The following PLCG2 variants were observed in gnomAD, a reference collection of about 807,000 sequenced individuals.
PLCG2 encodes the protein 1-phosphatidylinositol 4,5-bisphosphate phosphodiesterase gamma-2.
PLCG2 carries 69 observed loss-of-function variants against 175.6 expected under a neutral mutation model. That is an observed-to-expected ratio of 0.39 (90% CI 0.32 to 0.48). PLCG2 has a LOEUF of 0.48. PLCG2 is among the 20% of genes least tolerant of loss of function. PLCG2 has a pLI of 0.91. For missense variants in PLCG2, 1,798 were observed against 1,650.9 expected (o/e 1.09, Z -1.54); for synonymous variants, 827 against 624.0 (o/e 1.33, Z -4.85).
At chr16:81,812,013 A>C (rs990880722) in intron 2 of PLCG2, among the ~76,000 whole-genome samples, 1 of 146,712 alleles carries the variant, frequency 6.8e-6, no homozygotes, top group Non-Finnish European at 1.5e-5. Context: ...CTATTTCTCT[A>C]CATCCTCTCC....
chr16:81,859,186 C>G (rs762656393), intron 5 of PLCG2, 23 bp downstream of exon 5: 6 of 1,528,852 alleles, frequency 3.9e-6, no homozygotes, highest in Non-Finnish European at 5.4e-6. Context: ...CAGTTTTTTT[C>G]TGATCACTTT....
At chr16:81,877,753 T>C (rs1321755602) in intron 7 of PLCG2, among the ~76,000 whole-genome samples, 2 of 152,042 alleles carry the variant, frequency 1.3e-5, no homozygotes, top group African/African-American at 4.8e-5. Context: ...CGTCATCGCT[T>C]CTTGGCGTGT....
rs184935667 is a variant in PLCG2, at chr16:81,822,820, C to T, written c.194-31624C>T. Among the ~76,000 whole-genome samples the T allele has an allele frequency of 1.5e-4, 21 of 139,864 alleles. No individual in the cohort carries two copies. The East Asian group carries it at 2.8e-3, about 19-fold the overall frequency. 91.8% of individuals were successfully genotyped at this position (139,864 alleles called of 152,430 possible). Reference sequence around the variant, plus strand: ...GATCAGAGTGAGTAGAAGACAATGGCAAGATGATGGCAACAGAGGTTGGAA... The same window carrying T: ...GATCAGAGTGAGTAGAAGACAATGGTAAGATGATGGCAACAGAGGTTGGAA... On this transcript the variant is annotated intron_variant, in intron 2 of 32. Coordinates refer to ENST00000564138, the MANE Select transcript of PLCG2 (RefSeq NM_002661.5).
intron 30 of PLCG2, among the ~76,000 whole-genome samples, chr16:81,943,012 A>G (rs1884383222): frequency 6.6e-6 from 1 of 152,126 alleles, no homozygotes; most frequent in Non-Finnish European, 1.5e-5. Flanking sequence ...ACAGCTGGTC[A>G]TGAGGGCAGA....
At chr16:81,952,983 G>A (rs938684475) in intron 31 of PLCG2, among the ~76,000 whole-genome samples, 3 of 152,192 alleles carry the variant, frequency 2.0e-5, no homozygotes, top group Non-Finnish European at 1.5e-5. Context: ...AATAAGGCAG[G>A]TTGAAATCAC....
upstream of PLCG2, among the ~76,000 whole-genome samples, chr16:81,778,062 AAC>A (rs1910520079): frequency 8.9e-6 from 1 of 112,988 alleles, no homozygotes; most frequent in East Asian, 2.3e-4. Context: ...AAACAAAAAA[AAC>A]CAAAAACACA....
At position 81,905,453 on chromosome 16, in the gene PLCG2, G is replaced by A; in HGVS notation, c.1413G>A (p.Lys471=). The A allele has an allele frequency of 6.2e-7, 1 of 1,614,206 alleles. No individual in the cohort carries two copies. The highest frequency in any genetic ancestry group is 1.3e-5 in the African/African-American group (1 of 75,060). The part of the protein sequence containing the change: ...RGDVDVNMED[K]KDEHKQQGEL... Reference sequence around the variant, plus strand: ...ATGTGGATGTCAACATGGAGGACAAGAAGGACGAACACAAGCAACAGGGGG... The same window carrying A: ...ATGTGGATGTCAACATGGAGGACAAAAAGGACGAACACAAGCAACAGGGGG... The change falls in exon 15 of 33, where the codon AAG becomes AAA. Residue 471 remains lysine (K), a synonymous_variant. Transcript: ENST00000564138.
intron 19 of PLCG2, among the ~76,000 whole-genome samples, chr16:81,913,114 C>G (rs913965667): frequency 1.3e-5 from 2 of 152,186 alleles, no homozygotes; most frequent in African/African-American, 4.8e-5. Context: ...TGATATAGAT[C>G]TGGTTTCCTC....
intron 2 of PLCG2, among the ~76,000 whole-genome samples, chr16:81,814,672 G>A (rs1440388139): frequency 6.6e-6 from 1 of 151,976 alleles, no homozygotes; most frequent in Non-Finnish European, 1.5e-5. Flanking sequence ...TCCAGCCTGG[G>A]CAACAGTACG....
chr16:81,748,699 C>A (rs540928097), intron 1 of PLCG2, among the ~76,000 whole-genome samples: 3 of 152,236 alleles, frequency 2.0e-5, no homozygotes, highest in African/African-American at 7.2e-5. Flanking sequence ...GGTCAGAAAA[C>A]CCCAGACTCG....
At chr16:81,745,551 TG>T (rs1301883345) in intron 1 of PLCG2, among the ~76,000 whole-genome samples, 3 of 152,188 alleles carry the variant, frequency 2.0e-5, no homozygotes, top group African/African-American at 7.2e-5. Flanking sequence ...AATTACCAGC[TG>T]GATGTCAACC....
At chr16:81,761,088 G>C (rs535461036) in intron 2 of PLCG2, among the ~76,000 whole-genome samples, 153 of 152,274 alleles carry the variant, frequency 1.0e-3, no homozygotes, top group African/African-American at 3.5e-3. Flanking sequence ...GTAGTAACAA[G>C]GTTTCACTAT....
At chr16:81,806,728 G>T (rs1034177462) in intron 2 of PLCG2, among the ~76,000 whole-genome samples, 4 of 152,168 alleles carry the variant, frequency 2.6e-5, no homozygotes, top group East Asian at 1.9e-4. Flanking sequence ...GACATGGAAG[G>T]CCTCACTGAG....
rs149864131 is a variant in PLCG2 at position 81,789,416 on chromosome 16, A to T, written c.193+3234A>T. Among the ~76,000 whole-genome samples, 78 of 152,258 alleles carry T rather than the reference A, an allele frequency of 5.1e-4. 1 individual carries two copies. In the East Asian group the frequency reaches 0.015, roughly 29 times the overall value. ...AGTGATCCTCCTGCCCAGTCTCCCA[A>T]GTAGCTGAGACTACAGGTGAGTGCC... On this transcript the variant is annotated intron_variant, in intron 2 of 32. Coordinates refer to ENST00000564138, the MANE Select transcript of PLCG2 (RefSeq NM_002661.5).
intron 17 of PLCG2, among the ~76,000 whole-genome samples, chr16:81,910,319 A>C (rs982338383): frequency 3.9e-5 from 6 of 152,088 alleles, no homozygotes; most frequent in African/African-American, 1.4e-4. Context: ...TGGAACTCCT[A>C]ATCTCAGGTG....
At chr16:81,940,197 A>G in intron 30 of PLCG2, 138 bp downstream of exon 30, 1 of 685,492 alleles carries the variant, frequency 1.5e-6, no homozygotes, top group Non-Finnish European at 2.4e-6. Context: ...TGGCTTGGAG[A>G]GCAGGTGTAC....
intron 9 of PLCG2, among the ~76,000 whole-genome samples, chr16:81,884,042 C>T (rs373883495): frequency 6.6e-6 from 1 of 152,196 alleles, no homozygotes; most frequent in Non-Finnish European, 1.5e-5. Flanking sequence ...GGCAGCCCCC[C>T]CTACCCCCCA....
chr16:81,752,923 C>G (rs1304334903), intron 1 of PLCG2, among the ~76,000 whole-genome samples: 1 of 152,264 alleles, frequency 6.6e-6, no homozygotes, highest in African/African-American at 2.4e-5. Flanking sequence ...GGGCAGGCTG[C>G]TTTTCTCCTT....
At chr16:81,806,356 A>G (rs1009057629) in intron 2 of PLCG2, among the ~76,000 whole-genome samples, 1 of 152,024 alleles carries the variant, frequency 6.6e-6, no homozygotes, top group Admixed American at 6.6e-5. Context: ...GGTAGCTTTA[A>G]TTTCCCACAG....
Sources: allele counts gnomAD v4.1 joint callset (sites outside exome capture counted in the v4.1 genomes callset), GRCh38; gene constraint gnomAD v4.1.1; transcripts MANE v1.5; gene names NCBI Gene and HGNC (gene_info 2026-07-23, HGNC 2026-07-21).